The following NRG1 variants were observed in gnomAD, a reference collection of about 807,000 sequenced individuals.
NRG1 encodes neuregulin 1, also known as pro-neuregulin-1, membrane-bound isoform.
Under a neutral mutation model 63.8 loss-of-function variants are expected in NRG1, and 18 were observed. The ratio of observed to expected loss-of-function variants is 0.28; its 90% CI spans 0.19 to 0.42. The LOEUF is 0.42. Among genes scored for constraint, NRG1 ranks in the 10% least tolerant of loss-of-function variants. The probability of loss-of-function intolerance (pLI) is 1.00; values close to 1 mark genes in which losing one functional copy is unlikely to be tolerated. For synonymous variants in NRG1, 302 were observed against 301.3 expected (o/e 1.00, Z -0.02); for missense variants, 762 against 814.7 (o/e 0.94, Z 0.79).
At chr8:32,330,773 G>T (rs927067678) in intron 1 of NRG1, among the ~76,000 whole-genome samples, 9 of 152,136 alleles carry the variant, frequency 5.9e-5, no homozygotes, top group Admixed American at 4.6e-4. Flanking sequence ...CTGGATCTGG[G>T]CCACGGACCA....
At chr8:32,590,496 G>C (rs10101115) in intron 1 of NRG1, among the ~76,000 whole-genome samples, 7,980 of 152,168 alleles carry the variant, frequency 0.052, 730 homozygotes, top group African/African-American at 0.18. Context: ...TTAATTAACA[G>C]ACCTTTTATG....
intron 1 of NRG1, among the ~76,000 whole-genome samples, chr8:32,241,279 T>A (rs905629187): frequency 6.6e-6 from 1 of 152,212 alleles, no homozygotes; most frequent in African/African-American, 2.4e-5. Context: ...AATTTGAAAC[T>A]GTCTCAAGAA....
At chr8:32,728,217 T>G (rs1822742298) in intron 6 of NRG1, 139 bp downstream of exon 6, 2 of 1,473,016 alleles carry the variant, frequency 1.4e-6, no homozygotes, top group Non-Finnish European at 1.8e-6. Flanking sequence ...GTAGAGTGTT[T>G]TAAAACATTC....
At chr8:32,302,311 A>G (rs1393299165) in intron 1 of NRG1, among the ~76,000 whole-genome samples, 1 of 152,182 alleles carries the variant, frequency 6.6e-6, no homozygotes, top group Non-Finnish European at 1.5e-5. Context: ...TCAGTGAGGC[A>G]TTTGGTACTC....
At position 32,143,994 on chromosome 8, in the gene NRG1, A is replaced by G. The variant is rs1028144234; in HGVS notation, c.38-451834A>G. 2.0e-5 allele frequency among the ~76,000 whole-genome samples: 3 copies of G among 152,312 alleles called. No homozygotes were observed. The South Asian group carries it at 6.2e-4, about 32-fold the overall frequency. On this transcript the variant is annotated intron_variant, in intron 1 of 10. Coordinates refer to the NRG1 transcript ENST00000519301. ...ATGTTTAGCGTCAATTTCTCCTCCC[A>G]TGAGGCTATAATCTGCCTTGTAAGG...
chr8:31,977,768 G>A (rs879536288), intron 1 of NRG1, among the ~76,000 whole-genome samples: 13 of 152,206 alleles, frequency 8.5e-5, no homozygotes, highest in South Asian at 2.1e-4. Context: ...ACCAGGTATC[G>A]ATATTCATCT....
intron 1 of NRG1, among the ~76,000 whole-genome samples, chr8:32,516,237 G>C (rs1175674785): frequency 6.6e-6 from 1 of 151,852 alleles, no homozygotes; most frequent in Non-Finnish European, 1.5e-5. Context: ...TTTATTTCTG[G>C]GTTCTTTATT....
chr8:32,760,594 C>T (rs1830515439), intron 11 of NRG1, 188 bp downstream of exon 11: 12 of 1,398,336 alleles, frequency 8.6e-6, no homozygotes, highest in African/African-American at 1.5e-5. Flanking sequence ...CTGAGCTTCT[C>T]TCGTCGTCCC....
chr8:32,049,611 G>T (rs924626722), intron 1 of NRG1, among the ~76,000 whole-genome samples: 5 of 151,992 alleles, frequency 3.3e-5, no homozygotes, highest in Admixed American at 6.6e-5. Context: ...ATTTGTAATT[G>T]GTGTATTCCA....
intron 1 of NRG1, among the ~76,000 whole-genome samples, chr8:31,754,576 A>AT (rs1816786766): frequency 6.6e-6 from 1 of 152,056 alleles, no homozygotes; most frequent in African/African-American, 2.4e-5. Context: ...ATTCTCGGGT[A>AT]TTTCTTTATA....
At chr8:32,290,117 T>C (rs565217059) in intron 1 of NRG1, among the ~76,000 whole-genome samples, 21 of 152,070 alleles carry the variant, frequency 1.4e-4, no homozygotes, top group Non-Finnish European at 2.9e-4. Context: ...GGCATGCACC[T>C]GTAGTCCTAG....
At chr8:32,038,712 C>G (rs921274888) in intron 1 of NRG1, among the ~76,000 whole-genome samples, 1 of 151,916 alleles carries the variant, frequency 6.6e-6, no homozygotes, top group Non-Finnish European at 1.5e-5. Context: ...TTTGGGAGCA[C>G]GTATTGCTGT....
chr8:32,130,010 C>T (rs1834598346), intron 1 of NRG1, among the ~76,000 whole-genome samples: 1 of 151,910 alleles, frequency 6.6e-6, no homozygotes, highest in South Asian at 2.1e-4. Context: ...CTATAAGCTT[C>T]TATCATTTAA....
At chr8:32,182,791 G>GA (rs1009804109) in intron 1 of NRG1, among the ~76,000 whole-genome samples, 26 of 150,660 alleles carry the variant, frequency 1.7e-4, no homozygotes, top group East Asian at 5.8e-4. Context: ...TTTTTGCTGT[G>GA]AAAAAAAAAT....
intron 7 of NRG1, among the ~76,000 whole-genome samples, chr8:32,753,359 A>T (rs759105002): frequency 1.3e-5 from 2 of 152,220 alleles, no homozygotes; most frequent in Admixed American, 1.3e-4. Flanking sequence ...TATCCCCCAA[A>T]GAAACTAACT....
chr8:32,668,933 T>C (rs1804919720), intron 5 of NRG1, among the ~76,000 whole-genome samples: 1 of 152,200 alleles, frequency 6.6e-6, no homozygotes, highest in South Asian at 2.1e-4. Flanking sequence ...TTGTGTCGAA[T>C]AGAATTGTTT....
chr8:32,206,157 GT>G (rs1321422267), intron 1 of NRG1, among the ~76,000 whole-genome samples: 1 of 152,106 alleles, frequency 6.6e-6, no homozygotes, highest in African/African-American at 2.4e-5. Context: ...ACTAGAACCA[GT>G]TTTATTGGAA....
At chr8:31,786,235 G>T (rs941852710) in intron 1 of NRG1, among the ~76,000 whole-genome samples, 3 of 152,178 alleles carry the variant, frequency 2.0e-5, no homozygotes, top group African/African-American at 7.2e-5. Flanking sequence ...CATTCTCCAT[G>T]CTGCATATGT....
chr8:31,831,823 A>C (rs760808944), intron 1 of NRG1, among the ~76,000 whole-genome samples: 1 of 152,168 alleles, frequency 6.6e-6, no homozygotes. Context: ...AACCCTGTAC[A>C]TTAGTGAGGG....
Sources: allele counts gnomAD v4.1 joint callset (sites outside exome capture counted in the v4.1 genomes callset), GRCh38; gene constraint gnomAD v4.1.1; transcripts MANE v1.5; gene names NCBI Gene and HGNC (gene_info 2026-07-23, HGNC 2026-07-21).